The following SLC2A9 variants were observed in gnomAD, a reference collection of about 807,000 sequenced individuals.
SLC2A9 encodes the protein solute carrier family 2, facilitated glucose transporter member 9.
In SLC2A9, 39 loss-of-function variants were observed where a neutral mutation model predicts 50.6. That is an observed-to-expected ratio of 0.77 (90% confidence interval 0.60 to 1.01). SLC2A9 has a LOEUF of 1.01. SLC2A9 is among the 50% of genes least tolerant of loss of function. The pLI is 0.00. For missense variants in SLC2A9, 686 were observed against 677.6 expected, an observed-to-expected ratio of 1.01 and a Z score of -0.14; for synonymous variants, 324 against 276.9, an observed-to-expected ratio of 1.17 and a Z score of -1.69.
intron 10 of SLC2A9, among the ~76,000 whole-genome samples, chr4:9,882,537 T>C (rs917549022): frequency 6.6e-5 from 10 of 151,886 alleles, no homozygotes; most frequent in Admixed American, 5.9e-4. Context: ...TGAAACCCCA[T>C]CTCTACTAAA....
intron 5 of SLC2A9, among the ~76,000 whole-genome samples, chr4:9,972,384 A>T (rs536332297): frequency 5.9e-5 from 9 of 152,324 alleles, no homozygotes; most frequent in East Asian, 1.9e-4. Context: ...TTTTAAAAAA[A>T]ATATATCATT....
intron 7 of SLC2A9, among the ~76,000 whole-genome samples, chr4:9,910,000 T>G (rs1741412013): frequency 6.6e-6 from 1 of 152,234 alleles, no homozygotes; most frequent in Non-Finnish European, 1.5e-5. Context: ...CAAAAATTAT[T>G]CATGCATTGG....
chr4:9,840,375 G>T (rs1015985606), intron 10 of SLC2A9, among the ~76,000 whole-genome samples: 1 of 152,208 alleles, frequency 6.6e-6, no homozygotes, highest in African/African-American at 2.4e-5. Context: ...AAATGAGAAA[G>T]AATGGGGTTT....
chr4:9,889,011 C>T (rs1445715949), intron 9 of SLC2A9, among the ~76,000 whole-genome samples: 1 of 152,196 alleles, frequency 6.6e-6, no homozygotes, highest in Non-Finnish European at 1.5e-5. Context: ...ATGCCAGGCC[C>T]TTGCCCTACA....
At chr4:9,887,415 A>C in intron 10 of SLC2A9, 152 bp downstream of exon 10, 1 of 711,682 alleles carries the variant, frequency 1.4e-6, no homozygotes, top group Admixed American at 3.0e-5. Flanking sequence ...GCTACATTTA[A>C]ATTGGGCCAA....
chr4:9,931,942 CTCTCTCTCTCTCTCTCTCTCTATATA>C (rs1434225416), intron 6 of SLC2A9, among the ~76,000 whole-genome samples: 1 of 59,792 alleles, frequency 1.7e-5, no homozygotes, highest in African/African-American at 1.0e-4. Flanking sequence ...CTCTCTCTCT[CTCTCTCTCTCTCTCTCTCTCTATATA>C]TATATATATA....
chr4:9,962,645 G>A (rs888506549), intron 5 of SLC2A9, among the ~76,000 whole-genome samples: 26 of 152,274 alleles, frequency 1.7e-4, no homozygotes, highest in African/African-American at 6.0e-4. Context: ...GTCAATAGGT[G>A]CAGCAAACCA....
At chr4:9,853,291 A>G (rs892007987) in intron 10 of SLC2A9, among the ~76,000 whole-genome samples, 1 of 151,746 alleles carries the variant, frequency 6.6e-6, no homozygotes, top group Non-Finnish European at 1.5e-5. Context: ...GACTCAAAGT[A>G]AAAGGATAGA....
At chr4:9,902,784 G>A (rs747652303) in intron 8 of SLC2A9, among the ~76,000 whole-genome samples, 8 of 152,108 alleles carry the variant, frequency 5.3e-5, no homozygotes, top group East Asian at 1.9e-4. Flanking sequence ...CAGTATAACC[G>A]TATCTTACCT....
chr4:9,838,257 A>T (rs1044074224), intron 10 of SLC2A9, among the ~76,000 whole-genome samples: 1 of 152,188 alleles, frequency 6.6e-6, no homozygotes, highest in Non-Finnish European at 1.5e-5. Flanking sequence ...GTGCTTCTGT[A>T]GCTGCTGGTG....
At chr4:10,011,903 T>A (rs1394287688) in intron 2 of SLC2A9, among the ~76,000 whole-genome samples, 18 of 152,224 alleles carry the variant, frequency 1.2e-4, no homozygotes, top group South Asian at 2.1e-4. Context: ...GAGGTACTAA[T>A]GACACAAGGA....
At chr4:10,010,047 T>C (rs1004341773) in intron 2 of SLC2A9, among the ~76,000 whole-genome samples, 1 of 152,024 alleles carries the variant, frequency 6.6e-6, no homozygotes, top group East Asian at 1.9e-4. Flanking sequence ...AGGATGGGGG[T>C]TGGCCATGCA....
At chr4:9,942,373 G>C (rs1748324041) in intron 5 of SLC2A9, among the ~76,000 whole-genome samples, 2 of 152,196 alleles carry the variant, frequency 1.3e-5, no homozygotes, top group Admixed American at 6.5e-5. Flanking sequence ...GTGAGCCTGG[G>C]GGATCTTAGG....
In SLC2A9 at chr4:9,908,628, G is replaced by A. The variant is rs538347495; in HGVS notation, c.1003-283C>T. On this transcript the variant is annotated intron_variant, in intron 7 of 11. Transcript: ENST00000264784. ...GCAGGTTAGTTACATATGTATACATGTGCCATGTTGGTGTGCTGCACCCAT... is the reference window on the plus strand; with the variant it reads ...GCAGGTTAGTTACATATGTATACATATGCCATGTTGGTGTGCTGCACCCAT... Among the ~76,000 whole-genome samples, 92 of 151,858 alleles carry A rather than the reference G, an allele frequency of 6.1e-4. 2 individuals carry two copies. The highest frequency in any genetic ancestry group is 2.1e-3 in the African/African-American group (86 of 41,400).
At chr4:9,910,991 C>T (rs1322325981) in intron 7 of SLC2A9, among the ~76,000 whole-genome samples, 1 of 122,544 alleles carries the variant, frequency 8.2e-6, no homozygotes, top group African/African-American at 2.6e-5. Flanking sequence ...TACACCAGGG[C>T]CTGTTGGGGT....
At chr4:9,940,135 C>T (rs1404779626) in intron 6 of SLC2A9, among the ~76,000 whole-genome samples, 1 of 152,206 alleles carries the variant, frequency 6.6e-6, no homozygotes, top group African/African-American at 2.4e-5. Flanking sequence ...GTTACCCTCC[C>T]AGGCTAGTAG....
chr4:10,029,913 G>C (rs1454267431), intron 1 of SLC2A9, among the ~76,000 whole-genome samples: 1 of 152,154 alleles, frequency 6.6e-6, no homozygotes, highest in East Asian at 1.9e-4. Context: ...TGGGATTACA[G>C]GTGTGAGCCA....
upstream of SLC2A9, among the ~76,000 whole-genome samples, chr4:10,024,717 G>A (rs944708949): frequency 2.0e-5 from 3 of 152,194 alleles, no homozygotes; most frequent in Non-Finnish European, 4.4e-5. Context: ...CCAGTAGATA[G>A]GCATCACTTC....
intron 10 of SLC2A9, chr4:9,880,220 G>A (rs545456307): frequency 2.0e-6 from 2 of 985,352 alleles, no homozygotes; most frequent in East Asian, 1.1e-4. Context: ...GCTTTAAACT[G>A]TACACTCTCA....
Sources: gnomAD v4.1 joint callset for allele counts (sites outside exome capture counted in the v4.1 genomes callset) on GRCh38, gnomAD v4.1.1 for gene constraint, MANE v1.5 for transcripts, NCBI Gene and HGNC (gene_info 2026-07-23, HGNC 2026-07-21) for gene names.